RUNX2: variants seen among roughly 807,000 people sequenced by gnomAD.
RUNX2 encodes RUNX family transcription factor 2.
RUNX2 carries 10 observed loss-of-function variants against 51.7 expected under a neutral mutation model. The ratio of observed to expected loss-of-function variants is 0.19; its 90% CI spans 0.12 to 0.33. RUNX2 has a LOEUF of 0.33. Ranked by LOEUF, RUNX2 falls within the 10% of genes least tolerant of loss-of-function variation. RUNX2 has a pLI of 1.00. For missense variants in RUNX2, 562 were observed against 691.3 expected, an observed-to-expected ratio of 0.81 and a Z score of 2.10; for synonymous variants, 276 against 273.6, an observed-to-expected ratio of 1.01 and a Z score of -0.09.
chr6:45,459,850 T>A (rs540567709), intron 5 of RUNX2, among the ~76,000 whole-genome samples: 1 of 152,280 alleles, frequency 6.6e-6, no homozygotes, highest in South Asian at 2.1e-4. Flanking sequence ...TGGGGCAACA[T>A]TTGAGCGGAG....
intron 2 of RUNX2, among the ~76,000 whole-genome samples, chr6:45,364,821 T>C (rs1245452650): frequency 1.3e-5 from 2 of 152,178 alleles, no homozygotes; most frequent in African/African-American, 2.4e-5. Context: ...AACTAAGAAC[T>C]TCCATGTGAA....
chr6:45,361,589 T>G (rs1794273292), intron 2 of RUNX2: 1 of 152,180 alleles, frequency 6.6e-6, no homozygotes, highest in African/African-American at 2.4e-5. Flanking sequence ...TTGAGTTCAA[T>G]AACCTAAAAA....
chr6:45,427,725 A>G (rs567927199), intron 3 of RUNX2, among the ~76,000 whole-genome samples: 5 of 152,302 alleles, frequency 3.3e-5, no homozygotes, highest in African/African-American at 1.2e-4. Context: ...ACTTCTGTCC[A>G]TGGAAATGTC....
chr6:45,420,634 T>G (rs1313925467), intron 2 of RUNX2, among the ~76,000 whole-genome samples: 1 of 152,258 alleles, frequency 6.6e-6, no homozygotes, highest in Admixed American at 6.5e-5. Flanking sequence ...CTGATGATTT[T>G]TTTCGCAAAC....
chr6:45,503,986 C>T (rs1460888053), intron 6 of RUNX2, among the ~76,000 whole-genome samples: 1 of 152,104 alleles, frequency 6.6e-6, no homozygotes, highest in Non-Finnish European at 1.5e-5. Context: ...TATGGTCATG[C>T]CTGGTGTACC....
At chr6:45,388,237 A>T (rs183721315) in intron 2 of RUNX2, among the ~76,000 whole-genome samples, 1 of 151,982 alleles carries the variant, frequency 6.6e-6, no homozygotes, top group East Asian at 2.0e-4. Flanking sequence ...GAAGCAGACC[A>T]TACCTAATGA....
intron 2 of RUNX2, among the ~76,000 whole-genome samples, chr6:45,402,017 G>A (rs143079318): frequency 4.2e-4 from 64 of 152,324 alleles, no homozygotes; most frequent in Admixed American, 2.5e-3. Context: ...ATTCGACATC[G>A]TATTATACTG....
chr6:45,422,238 C>G (rs1186908635), intron 2 of RUNX2: 4 of 269,220 alleles, frequency 1.5e-5, no homozygotes, highest in Admixed American at 5.8e-5. Context: ...GGACCCCATT[C>G]CAAGCTGCAA....
intron 6 of RUNX2, among the ~76,000 whole-genome samples, chr6:45,511,806 C>T (rs954951012): frequency 2.6e-5 from 4 of 152,184 alleles, no homozygotes; most frequent in Non-Finnish European, 5.9e-5. Flanking sequence ...AAGGCACAGT[C>T]TACATAGTCT....
intron 6 of RUNX2, among the ~76,000 whole-genome samples, chr6:45,503,803 C>T (rs1386336815): frequency 2.0e-5 from 3 of 152,170 alleles, no homozygotes; most frequent in Non-Finnish European, 4.4e-5. Context: ...CATAAGAGTG[C>T]TTCTCATCAC....
intron 3 of RUNX2, among the ~76,000 whole-genome samples, chr6:45,429,074 C>A (rs1483171535): frequency 6.6e-6 from 1 of 152,210 alleles, no homozygotes; most frequent in East Asian, 1.9e-4. Context: ...ATTATAATTA[C>A]ACTCTATACT....
chr6:45,400,727 T>C (rs1044772201), intron 2 of RUNX2, among the ~76,000 whole-genome samples: 8 of 152,218 alleles, frequency 5.3e-5, no homozygotes, highest in Non-Finnish European at 1.2e-4. Flanking sequence ...ATTTCTATTA[T>C]TGAAAGACAC....
chr6:45,491,623 T>G (rs1231661227), intron 5 of RUNX2, among the ~76,000 whole-genome samples: 2 of 62,252 alleles, frequency 3.2e-5, no homozygotes, highest in Non-Finnish European at 7.8e-5. Flanking sequence ...CTCCTGTTTG[T>G]TTTTTTTTTT....
chr6:45,461,997 G>A (rs952024899), intron 5 of RUNX2, among the ~76,000 whole-genome samples: 2 of 151,990 alleles, frequency 1.3e-5, no homozygotes, highest in Admixed American at 1.3e-4. Context: ...AAAGAATTCT[G>A]TCAAATATAA....
intron 5 of RUNX2, among the ~76,000 whole-genome samples, chr6:45,479,122 C>T (rs1166299852): frequency 6.6e-6 from 1 of 152,122 alleles, no homozygotes; most frequent in East Asian, 1.9e-4. Flanking sequence ...TTGAGAAGAG[C>T]CCATCCTCTG....
chr6:45,495,670 T>G lies in RUNX2; in HGVS notation c.859+3556T>G, dbSNP rs10485423. On this transcript the variant is annotated intron_variant, in intron 6 of 8. Transcript: ENST00000647337. ...ACCCCAAAACTGTAGATAATGATCA[T>G]GGTTATATAGTCCCCTCTAGTTCTC... 2.8e-3 allele frequency among the ~76,000 whole-genome samples: 430 copies of G among 152,332 alleles called. 10 individuals carry two copies. Among genetic ancestry groups the G allele is most frequent in the Admixed American group, 0.024 (360 of 15,300 alleles).
chr6:45,540,665 G>T (rs567699033), intron 7 of RUNX2, among the ~76,000 whole-genome samples: 1 of 152,284 alleles, frequency 6.6e-6, no homozygotes, highest in African/African-American at 2.4e-5. Flanking sequence ...TCCAAATAAA[G>T]ATTATGATCT....
intron 2 of RUNX2, among the ~76,000 whole-genome samples, chr6:45,329,261 T>C (rs905444205): frequency 2.6e-5 from 4 of 151,978 alleles, no homozygotes; most frequent in African/African-American, 9.7e-5. Flanking sequence ...AACACAGAAA[T>C]AAACCTGTAG....
intron 2 of RUNX2, among the ~76,000 whole-genome samples, chr6:45,388,828 T>TG (rs1797413698): frequency 6.6e-6 from 1 of 152,024 alleles, no homozygotes; most frequent in Non-Finnish European, 1.5e-5. Flanking sequence ...GCAAATACTA[T>TG]AAAAAAAATC....
Sources: allele counts gnomAD v4.1 joint callset (sites outside exome capture counted in the v4.1 genomes callset), GRCh38; gene constraint gnomAD v4.1.1; transcripts MANE v1.5; gene names NCBI Gene and HGNC (gene_info 2026-07-23, HGNC 2026-07-21).